Variants in ANKRD30BL observed in about 807,000 individuals in gnomAD.
The protein encoded by ANKRD30BL is ankyrin repeat domain 30B like.
Under a neutral mutation model 18.4 loss-of-function variants are expected in ANKRD30BL, and 20 were observed. The observed-to-expected ratio is 1.09, with a 90% CI of 0.77 to 1.58. The LOEUF (loss-of-function observed/expected upper bound fraction) is 1.58. ANKRD30BL is among the 40% of genes most tolerant of loss of function. The probability of loss-of-function intolerance (pLI) is 0.00; values close to 1 mark genes in which losing one functional copy is unlikely to be tolerated. For missense variants in ANKRD30BL, 224 were observed against 268.6 expected, an observed-to-expected ratio of 0.83 and a Z score of 1.16; for synonymous variants, 72 against 100.9, an observed-to-expected ratio of 0.71 and a Z score of 1.72.
At chr2:132,192,893 T>C (rs1395438148) in intron 1 of ANKRD30BL, among the ~76,000 whole-genome samples, 1 of 152,210 alleles carries the variant, frequency 6.6e-6, no homozygotes, top group Non-Finnish European at 1.5e-5. Context: ...AGAAGAAACA[T>C]GGCCTAAGGC....
chr2:132,161,660 C>T lies in ANKRD30BL; in HGVS notation c.46G>A (p.Glu16Lys), dbSNP rs1202816644. The T allele has an allele frequency of 8.3e-6, 12 of 1,451,228 alleles. No individual in the cohort carries two copies. Among genetic ancestry groups the T allele is most frequent in the Non-Finnish European group, 1.1e-5 (12 of 1,058,440 alleles). 89.9% of individuals were successfully genotyped at this position (1,451,228 alleles called of 1,614,324 possible). ...AGCTGACTGAAGGGGCTCGGGCGCT[C>T]TGGGCCCGTCTGGCCCTTGACAGGG... ...AAPVKGQTGPERPSPFSQLVY... is the reference protein window; with the variant it reads ...AAPVKGQTGPKRPSPFSQLVY... Residue 16 changes from glutamate (E) to lysine (K), a missense_variant, in exon 1 of 6, where the codon GAG becomes AAG. By Grantham distance (56) the Glu-to-Lys change is moderately conservative. Transcript: ENST00000409867.
At chr2:132,164,318 C>T (rs369528577), upstream of ANKRD30BL, among the ~76,000 whole-genome samples, 1 of 126,582 alleles carries the variant, frequency 7.9e-6, no homozygotes, top group South Asian at 2.5e-4. Flanking sequence ...CTCTTCTTGC[C>T]TTCTTGCCCA....
rs544718093 is a variant in ANKRD30BL, at chr2:132,252,898, T to C, written n.441+4631A>G. 5.3e-5 allele frequency among the ~76,000 whole-genome samples: 8 copies of C among 152,132 alleles called. No homozygotes were observed. In the South Asian group the frequency reaches 1.7e-3, roughly 32 times the overall value. On this transcript the variant is annotated intron_variant and non_coding_transcript_variant, in intron 1 of 4. Coordinates refer to the ANKRD30BL transcript ENST00000470729. ...GGAACTCGGCTGCAGCCGGCTATCT[T>C]CCCTTTCTATTTTCATGGGTGGCGG...
At position 132,157,316 on chromosome 2, in the gene ANKRD30BL, A is replaced by G. The variant is rs114463696; in HGVS notation, c.326T>C (p.Leu109Pro). ...DVLDGENRTI[L>P]MKALQCQREA... ...GAACTGGCTACCATTTACCTTCATCAGAATGGTCCTGTTTTCACCATCAAG... is the reference window on the plus strand; with the variant it reads ...GAACTGGCTACCATTTACCTTCATCGGAATGGTCCTGTTTTCACCATCAAG... Residue 109 changes from leucine to proline, a missense_variant, in exon 2 of 6, where the codon CTG (leucine) becomes CCG (proline). By Grantham distance (98) the Leu-to-Pro change is moderately conservative. Coordinates refer to ENST00000409867, the MANE Select transcript of ANKRD30BL (RefSeq NM_001358416.1). 1.3e-3 allele frequency: 1,024 copies of G among 771,156 alleles called. 4 individuals are homozygous for G. In the African/African-American group the frequency reaches 0.016, roughly 12 times the overall value. The allele number at this position is 771,156 out of a possible 1,614,324, so 47.8% of individuals were successfully genotyped here. A position where few individuals can be genotyped will look rare whatever the true frequency, so the allele number is the denominator to read the frequency against.
intron 1 of ANKRD30BL, among the ~76,000 whole-genome samples, chr2:132,205,731 G>A (rs1679200499): frequency 6.6e-6 from 1 of 152,020 alleles, no homozygotes; most frequent in Non-Finnish European, 1.5e-5. Context: ...AGAAGGAAAT[G>A]AGAAGCAATG....
At chr2:132,177,051 G>T (rs1688377434) in intron 1 of ANKRD30BL, among the ~76,000 whole-genome samples, 1 of 152,032 alleles carries the variant, frequency 6.6e-6, no homozygotes, top group African/African-American at 2.4e-5. Flanking sequence ...TCAAACACTT[G>T]CCAAAACCTT....
chr2:132,163,688 C>A (rs1688132424), upstream of ANKRD30BL, among the ~76,000 whole-genome samples: 1 of 152,176 alleles, frequency 6.6e-6, no homozygotes, highest in African/African-American at 2.4e-5. Context: ...CATGTTCTTG[C>A]CTCCAGGGGG....
chr2:132,164,331 C>T (rs1456992428), upstream of ANKRD30BL, among the ~76,000 whole-genome samples: 1 of 139,596 alleles, frequency 7.2e-6, no homozygotes, highest in South Asian at 2.3e-4. Flanking sequence ...CTTGCCCAGG[C>T]TGAGGCTGGA....
At chr2:132,206,158 G>GAGGAA (rs1679208690) in intron 1 of ANKRD30BL, among the ~76,000 whole-genome samples, 1 of 151,884 alleles carries the variant, frequency 6.6e-6, no homozygotes, top group Non-Finnish European at 1.5e-5. Context: ...AGAAAGAAAA[G>GAGGAA]AGAAAAGAAA....
chr2:132,210,086 C>G (rs564817253), intron 1 of ANKRD30BL, among the ~76,000 whole-genome samples: 2 of 152,238 alleles, frequency 1.3e-5, no homozygotes, highest in Admixed American at 6.6e-5. Flanking sequence ...GTGCATTCAA[C>G]TCACAGAGTT....
At chr2:132,224,063 ACT>A (rs1679773809) in intron 1 of ANKRD30BL, among the ~76,000 whole-genome samples, 1 of 151,802 alleles carries the variant, frequency 6.6e-6, no homozygotes, top group Non-Finnish European at 1.5e-5. Context: ...CAGGGTTGAA[ACT>A]CTCTTTTTTT....
intron 1 of ANKRD30BL, among the ~76,000 whole-genome samples, chr2:132,221,387 C>T (rs1482335518): frequency 0.026 from 3,003 of 114,074 alleles, 1 homozygote; most frequent in African/African-American, 0.084. Flanking sequence ...CAGCCCCCTG[C>T]CCGGCCAGCC....
intron 1 of ANKRD30BL, among the ~76,000 whole-genome samples, chr2:132,181,516 CAT>C (rs1558922226): frequency 6.6e-6 from 1 of 151,770 alleles, no homozygotes; most frequent in African/African-American, 2.4e-5. Flanking sequence ...GAAAAACAAT[CAT>C]AGAGATTCCC....
intron 1 of ANKRD30BL, among the ~76,000 whole-genome samples, chr2:132,236,108 A>C (rs1183972748): frequency 3.3e-5 from 5 of 152,180 alleles, no homozygotes; most frequent in East Asian, 1.9e-4. Context: ...CTATTTAATA[A>C]ATGGTGCTGG....
Position 132,154,884 on chromosome 2 carries a change from C to T in ANKRD30BL, c.508-116G>A, listed in dbSNP as rs1354575017. ...CAATGGAAAGTAAATCAATAGCAAT[C>T]CCTTCTTTCTCACTTTTCTGTGCTT... On this transcript the variant is annotated intron_variant, in intron 3 of 5. Transcript: ENST00000409867. The T allele has an allele frequency of 3.1e-5, 16 of 514,942 alleles. No individual in the cohort carries two copies. The South Asian group carries it at 3.7e-4, about 12-fold the overall frequency. The allele number at this position is 514,942 out of a possible 1,614,324, so 31.9% of individuals were successfully genotyped here.
chr2:132,196,591 G>T (rs1334171755), intron 1 of ANKRD30BL, among the ~76,000 whole-genome samples: 5 of 152,128 alleles, frequency 3.3e-5, no homozygotes, highest in Non-Finnish European at 5.9e-5. Flanking sequence ...TTCTAGACCA[G>T]GCTGACCAAC....
At chr2:132,192,948 T>A (rs1573828997) in intron 1 of ANKRD30BL, among the ~76,000 whole-genome samples, 1 of 152,224 alleles carries the variant, frequency 6.6e-6, no homozygotes, top group Non-Finnish European at 1.5e-5. Context: ...GGGTGAATCA[T>A]CTGGTCAGAG....
chr2:132,257,136 C>T (rs1479698236), intron 1 of ANKRD30BL: 2 of 463,924 alleles, frequency 4.3e-6, no homozygotes, highest in African/African-American at 2.0e-5. Context: ...GAGGTGACCT[C>T]AGCCACAAAC....
intron 1 of ANKRD30BL, among the ~76,000 whole-genome samples, chr2:132,178,455 T>A (rs1413894977): frequency 3.3e-5 from 5 of 152,198 alleles, no homozygotes; most frequent in African/African-American, 1.2e-4. Flanking sequence ...GTAGTTAGAA[T>A]GTGTTGGCTC....
Sources: allele counts gnomAD v4.1 joint callset (sites outside exome capture counted in the v4.1 genomes callset), GRCh38; gene constraint gnomAD v4.1.1; transcripts MANE v1.5; gene names NCBI Gene and HGNC (gene_info 2026-07-23, HGNC 2026-07-21).